The following CHML variants were observed in gnomAD, a reference collection of about 807,000 sequenced individuals.
CHML encodes the protein rab proteins geranylgeranyltransferase component A 2.
In CHML, 20 loss-of-function variants were observed where a neutral mutation model predicts 30.4. The observed-to-expected ratio is 0.66, with a 90% CI of 0.46 to 0.95. The LOEUF (loss-of-function observed/expected upper bound fraction) is 0.95, where lower values mean the gene tolerates loss of function less well. Ranked by LOEUF, CHML falls within the 40% of genes least tolerant of loss-of-function variation. CHML has a pLI of 0.00. For missense variants in CHML, 795 were observed against 768.5 expected, an observed-to-expected ratio of 1.03 and a Z score of -0.41; for synonymous variants, 281 against 275.0, an observed-to-expected ratio of 1.02 and a Z score of -0.22.
chr1:241,635,316 C>T lies in CHML; in HGVS notation c.451G>A (p.Asp151Asn), dbSNP rs111635573. 4.7e-5 allele frequency: 76 copies of T among 1,613,902 alleles called. No homozygotes were observed. In the African/African-American group the frequency reaches 5.1e-4, roughly 11 times the overall value. Residue 151 changes from aspartate to asparagine, a missense_variant, in exon 2 of 2, where the codon GAC becomes AAC. Asp to Asn is a conservative substitution (Grantham distance 23). Transcript: ENST00000366553. Reference protein sequence around the residue: ...EESQLSYFNSDEMPAKHTQKS... With the variant: ...EESQLSYFNSNEMPAKHTQKS... ...TGAGTGTGTTTTGCAGGCATTTCGT[C>T]GCTATTAAAATACGATAACTGGCTT...
Position 241,633,731 on chromosome 1 carries a change from C to T in CHML, c.*65G>A. 2.6e-6 allele frequency: 4 copies of T among 1,563,992 alleles called. No individual in the cohort carries two copies. The highest frequency in any genetic ancestry group is 3.5e-6 in the Non-Finnish European group (4 of 1,147,122). ...CTAATTACTCATATGGGAAACTGTC[C>T]TTTAAATGAGAAAATTCTGATGCCA... On this transcript the variant is annotated 3_prime_UTR_variant, in exon 2 of 2. Coordinates refer to ENST00000366553, the MANE Select transcript of CHML (RefSeq NM_001381853.1).
At position 241,634,637 on chromosome 1, in the gene CHML, A is replaced by G; in HGVS notation, c.1130T>C (p.Phe377Ser). 1 of 1,613,966 alleles carries G rather than the reference A, an allele frequency of 6.2e-7. No individual in the cohort carries two copies. Among genetic ancestry groups the G allele is most frequent in the African/African-American group, 1.3e-5 (1 of 75,032 alleles). ...AATTTCTCCTTGGCCATACAAGGGA[A>G]ATAAAAAGGGGGTGTTGCCAAACCG... ...LGRFGNTPFL[F>S]PLYGQGEIPQ... is the part of the protein sequence containing the mutation. The change falls in exon 2 of 2, where the codon TTT (phenylalanine) becomes TCT (serine). Residue 377 changes from phenylalanine (F) to serine (S), a missense_variant. Physicochemically the swap from Phe to Ser is radical, Grantham distance 155. Coordinates refer to ENST00000366553, the MANE Select transcript of CHML (RefSeq NM_001381853.1).
chr1:241,639,925 G>A lies in CHML; in HGVS notation c.-351C>T. The A allele has an allele frequency of 6.2e-7, 1 of 1,606,412 alleles. No individual in the cohort carries two copies. Among genetic ancestry groups the A allele is most frequent in the South Asian group, 1.1e-5 (1 of 90,168 alleles). On this transcript the variant is annotated 5_prime_UTR_variant, in exon 1 of 2. Coordinates refer to ENST00000366553, the MANE Select transcript of CHML (RefSeq NM_001381853.1). ...ACCCGTCCCACACGCAGCCCACGGTGTCCCACACCCAGCCGTTCCTCAGGC... is the reference window on the plus strand; with the variant it reads ...ACCCGTCCCACACGCAGCCCACGGTATCCCACACCCAGCCGTTCCTCAGGC...
At chr1:241,638,812 T>C (rs1275956249) in intron 1 of CHML, among the ~76,000 whole-genome samples, 2 of 152,190 alleles carry the variant, frequency 1.3e-5, no homozygotes, top group East Asian at 1.9e-4. Context: ...TGTCATAGCA[T>C]AGAGGTTACT....
At chr1:241,639,825 C>A (rs1349255168) in intron 1 of CHML, 57 bp downstream of exon 1, 2 of 1,333,270 alleles carry the variant, frequency 1.5e-6, no homozygotes, top group East Asian at 3.1e-5. Context: ...GAGCGGGCAG[C>A]GGGGTGGGGA....
rs1664878253 is a variant in CHML at position 241,635,872 on chromosome 1, C to A, written c.-106G>T. On this transcript the variant is annotated 5_prime_UTR_variant, in exon 2 of 2. Coordinates refer to ENST00000366553, the MANE Select transcript of CHML (RefSeq NM_001381853.1). ...TGATGTTCCAGTTATCCCAGAAGCACTGAAGTTGCAGGTCCTAGCTGTTTA... is the reference window on the plus strand; with the variant it reads ...TGATGTTCCAGTTATCCCAGAAGCAATGAAGTTGCAGGTCCTAGCTGTTTA... 1 of 1,185,754 alleles carries A rather than the reference C, an allele frequency of 8.4e-7. No individual in the cohort carries two copies. The highest frequency in any genetic ancestry group is 1.2e-6 in the Non-Finnish European group (1 of 841,584). The allele number at this position is 1,185,754 out of a possible 1,614,324, so 73.5% of individuals were successfully genotyped here.
At position 241,634,078 on chromosome 1, in the gene CHML, G is replaced by A; in HGVS notation, c.1689C>T (p.Ser563=). 1.2e-6 allele frequency: 2 copies of A among 1,611,872 alleles called. No homozygotes were observed. The highest frequency in any genetic ancestry group is 2.2e-5 in the East Asian group (1 of 44,868). ...AAGGCAAGCCATTATACGAGCTTCT[G>A]CTGATTCCCGAGGAATCTCTCATAT... ...YFNMRDSSGI[S]RSSYNGLPSN... The change falls in exon 2 of 2, where the codon AGC becomes AGT. Residue 563 remains serine (S), a synonymous_variant. Coordinates refer to ENST00000366553, the MANE Select transcript of CHML (RefSeq NM_001381853.1).
At position 241,635,137 on chromosome 1, in the gene CHML, A is replaced by G; in HGVS notation, c.630T>C (p.Asp210=). ...ESKSTVEDKA[D]EPIRNRITYS... is the part of the protein sequence containing the mutation. ...AAGTAATCCTATTTCTAATTGGTTC[A>G]TCGGCCTTATCTTCTACTGTAGATT... The change falls in exon 2 of 2, where the codon GAT becomes GAC. Residue 210 remains aspartate, a synonymous_variant. Coordinates refer to ENST00000366553, the MANE Select transcript of CHML (RefSeq NM_001381853.1). 6.2e-7 allele frequency: 1 copy of G among 1,612,822 alleles called. No individual in the cohort carries two copies. Among genetic ancestry groups the G allele is most frequent in the South Asian group, 1.1e-5 (1 of 91,076 alleles).
intron 1 of CHML, 73 bp downstream of exon 1, chr1:241,639,809 C>G: frequency 7.6e-7 from 1 of 1,320,370 alleles, no homozygotes; most frequent in Non-Finnish European, 9.8e-7. Flanking sequence ...GGGGGGCGGA[C>G]GCACGGAGCG....
At position 241,634,060 on chromosome 1, in the gene CHML, G is replaced by T; in HGVS notation, c.1707C>A (p.Gly569=). The change falls in exon 2 of 2, where the codon GGC becomes GGA. Residue 569 remains glycine (G), a synonymous_variant. Transcript: ENST00000366553. ...SSGISRSSYN[G]LPSNVYVCSG... Reference sequence around the variant, plus strand: ...AGCAGACATAAACATTGGAAGGCAAGCCATTATACGAGCTTCTGCTGATTC... The same window carrying T: ...AGCAGACATAAACATTGGAAGGCAATCCATTATACGAGCTTCTGCTGATTC... The T allele has an allele frequency of 6.2e-7, 1 of 1,612,452 alleles. No individual in the cohort carries two copies. The highest frequency in any genetic ancestry group is 8.5e-7 in the Non-Finnish European group (1 of 1,179,398).
In CHML at chr1:241,635,656, A is replaced by C. The variant is rs766340832; in HGVS notation, c.111T>G (p.Ile37Met). The change falls in exon 2 of 2, where the codon ATT becomes ATG. Residue 37 changes from isoleucine (I) to methionine (M), a missense_variant. Coordinates refer to ENST00000366553, the MANE Select transcript of CHML (RefSeq NM_001381853.1). ...CSRSGQRVLH[I>M]DSRSYYGGNW... ...TTCCTCCATAGTAGCTTCTTGAATCAATATGCAGAACCCTCTGACCACTTC... is the reference window on the plus strand; with the variant it reads ...TTCCTCCATAGTAGCTTCTTGAATCCATATGCAGAACCCTCTGACCACTTC... 9.3e-6 allele frequency: 15 copies of C among 1,613,976 alleles called. No homozygotes were observed. Among genetic ancestry groups the C allele is most frequent in the Admixed American group, 1.7e-5 (1 of 60,004 alleles).
In CHML at chr1:241,634,032, C is replaced by A; in HGVS notation, c.1735G>T (p.Gly579Trp). 6.2e-7 allele frequency: 1 copy of A among 1,613,550 alleles called. No individual in the cohort carries two copies. Among genetic ancestry groups the A allele is most frequent in the South Asian group, 1.1e-5 (1 of 91,014 alleles). The change falls in exon 2 of 2, where the codon GGG (glycine) becomes TGG (tryptophan). Residue 579 changes from glycine to tryptophan, a missense_variant. Coordinates refer to ENST00000366553, the MANE Select transcript of CHML (RefSeq NM_001381853.1). Reference sequence around the variant, plus strand: ...TCATTTCCCAGGCCACAGTCAGGCCCAGAGCAGACATAAACATTGGAAGGC... The same window carrying A: ...TCATTTCCCAGGCCACAGTCAGGCCAAGAGCAGACATAAACATTGGAAGGC... ...GLPSNVYVCS[G>W]PDCGLGNEHA...
chr1:241,638,803 G>A (rs751837103), intron 1 of CHML, among the ~76,000 whole-genome samples: 2 of 152,110 alleles, frequency 1.3e-5, no homozygotes, highest in Non-Finnish European at 2.9e-5. Context: ...ATTTGGGTTT[G>A]TCATAGCATA....
At chr1:241,639,686 G>C (rs936014316) in intron 1 of CHML, among the ~76,000 whole-genome samples, 196 bp downstream of exon 1, 2 of 151,466 alleles carry the variant, frequency 1.3e-5, no homozygotes, top group Non-Finnish European at 2.9e-5. Context: ...CGGAGGAAGA[G>C]GAAGGCACCC....
Position 241,629,300 on chromosome 1 carries a change from T to C in CHML, c.*4496A>G, listed in dbSNP as rs1664524254. ...TTATAAAGCCCTTTTTATAGTCTTCTACACAGTTCTCTTAAAAGGCTACTA... is the reference window on the plus strand; with the variant it reads ...TTATAAAGCCCTTTTTATAGTCTTCCACACAGTTCTCTTAAAAGGCTACTA... On this transcript the variant is annotated 3_prime_UTR_variant, in exon 2 of 2. Coordinates refer to ENST00000366553, the MANE Select transcript of CHML (RefSeq NM_001381853.1). 6.6e-6 allele frequency: 1 copy of C among 152,172 alleles called. No individual in the cohort carries two copies. Among genetic ancestry groups the C allele is most frequent in the Non-Finnish European group, 1.5e-5 (1 of 67,990 alleles). The allele number at this position is 152,172 out of a possible 1,614,324, so 9.4% of individuals were successfully genotyped here.
In CHML at chr1:241,634,425, T is replaced by G; in HGVS notation, c.1342A>C (p.Asn448His). 1 of 1,613,808 alleles carries G rather than the reference T, an allele frequency of 6.2e-7. No homozygotes were observed. Among genetic ancestry groups the G allele is most frequent in the Non-Finnish European group, 8.5e-7 (1 of 1,179,924 alleles). Reference protein sequence around the residue: ...DSYLSEETCSNVQYKQISRAV... With the variant: ...DSYLSEETCSHVQYKQISRAV... The stretch of plus-strand genomic sequence containing the variant: ...CTAGAGATCTGCTTATACTGCACAT[T>G]TGAGCATGTTTCCTCAGAAAGGTAA... The change falls in exon 2 of 2, where the codon AAT (asparagine) becomes CAT (histidine). Residue 448 changes from asparagine (N) to histidine (H), a missense_variant. By Grantham distance (68) the Asn-to-His change is moderately conservative. Coordinates refer to ENST00000366553, the MANE Select transcript of CHML (RefSeq NM_001381853.1).
At chr1:241,638,201 C>T (rs1664977342) in intron 1 of CHML, among the ~76,000 whole-genome samples, 1 of 152,034 alleles carries the variant, frequency 6.6e-6, no homozygotes, top group Non-Finnish European at 1.5e-5. Flanking sequence ...ATAGGGCAGC[C>T]CTCAGGCAAA....
intron 1 of CHML, 131 bp downstream of exon 1, chr1:241,639,751 G>T: frequency 1.0e-6 from 1 of 964,422 alleles, no homozygotes; most frequent in Non-Finnish European, 1.4e-6. Context: ...GCGGGGCGGT[G>T]TAGGGCGGGG....
chr1:241,640,369 T>G lies in CHML; in HGVS notation c.-795A>C, dbSNP rs1665083361. ...GCCGCCTGCTCTAGCCATTGTGCAC[T>G]GAGGGGCCCGCGCTACCGCGCGCCG... On this transcript the variant is annotated 5_prime_UTR_variant, in exon 1 of 2. Transcript: ENST00000366553. 1 of 1,007,378 alleles carries G rather than the reference T, an allele frequency of 9.9e-7. No individual in the cohort carries two copies. The highest frequency in any genetic ancestry group is 4.7e-5 in the South Asian group (1 of 21,152). 62.4% of individuals were successfully genotyped at this position (1,007,378 alleles called of 1,614,324 possible).
Sources: allele counts gnomAD v4.1 joint callset (sites outside exome capture counted in the v4.1 genomes callset), GRCh38; gene constraint gnomAD v4.1.1; transcripts MANE v1.5; gene names NCBI Gene and HGNC (gene_info 2026-07-23, HGNC 2026-07-21).